AGBL1: variants seen among roughly 807,000 people sequenced by gnomAD.
The protein encoded by AGBL1 is cytosolic carboxypeptidase 4.
AGBL1 carries 130 observed loss-of-function variants against 118.9 expected under a neutral mutation model. That is an observed-to-expected ratio of 1.09 (90% CI 0.95 to 1.26). The LOEUF (loss-of-function observed/expected upper bound fraction) is 1.26, where lower values mean the gene tolerates loss of function less well. AGBL1 is among the 50% of genes most tolerant of loss of function. AGBL1 has a pLI of 0.00. For missense variants in AGBL1, 1,584 were observed against 1,298.1 expected (o/e 1.22, Z -3.38); for synonymous variants, 555 against 478.9 (o/e 1.16, Z -2.08).
intron 21 of AGBL1, among the ~76,000 whole-genome samples, chr15:86,579,600 G>A (rs1397831804): frequency 6.6e-6 from 1 of 152,140 alleles, no homozygotes; most frequent in Non-Finnish European, 1.5e-5. Flanking sequence ...CAGAAAAAAA[G>A]AGCCTTATGA....
At chr15:86,538,574 G>T (rs2083455265) in intron 19 of AGBL1, among the ~76,000 whole-genome samples, 1 of 152,210 alleles carries the variant, frequency 6.6e-6, no homozygotes, top group Non-Finnish European at 1.5e-5. Flanking sequence ...AACCTCCAGG[G>T]CTTTAGTTAG....
intron 17 of AGBL1, among the ~76,000 whole-genome samples, chr15:86,319,221 C>T (rs1423682640): frequency 3.3e-5 from 5 of 152,036 alleles, no homozygotes; most frequent in Non-Finnish European, 5.9e-5. Context: ...TAGGAGCAGG[C>T]AGATGTTTAA....
chr15:86,562,482 A>G (rs2083840312), intron 21 of AGBL1, among the ~76,000 whole-genome samples: 1 of 152,220 alleles, frequency 6.6e-6, no homozygotes, highest in Non-Finnish European at 1.5e-5. Context: ...CATGCATCCC[A>G]GGGATGAAGC....
chr15:86,948,202 C>T (rs2080845473), intron 23 of AGBL1, among the ~76,000 whole-genome samples: 2 of 151,964 alleles, frequency 1.3e-5, no homozygotes, highest in Admixed American at 1.3e-4. Context: ...AGACAGACAC[C>T]CAGGCAATAA....
chr15:86,556,875 A>G (rs993493803), intron 21 of AGBL1, among the ~76,000 whole-genome samples: 6 of 152,288 alleles, frequency 3.9e-5, no homozygotes, highest in South Asian at 2.1e-4. Context: ...TTCTCTGGTT[A>G]ATGCAGCTTT....
At chr15:86,279,068 T>A (rs960644210) in intron 15 of AGBL1, among the ~76,000 whole-genome samples, 1 of 152,240 alleles carries the variant, frequency 6.6e-6, no homozygotes, top group East Asian at 1.9e-4. Flanking sequence ...TTTGGCAAAT[T>A]AACTTTTCTA....
At chr15:86,253,440 G>A (rs562763971) in intron 7 of AGBL1, among the ~76,000 whole-genome samples, 13 of 152,088 alleles carry the variant, frequency 8.5e-5, no homozygotes, top group East Asian at 7.8e-4. Context: ...TAGTAGAGAC[G>A]GGATTTCACC....
Position 86,247,830 on chromosome 15 carries a change from A to T in AGBL1, c.686A>T (p.Glu229Val). The T allele has an allele frequency of 6.2e-7, 1 of 1,613,934 alleles. No homozygotes were observed. Among genetic ancestry groups the T allele is most frequent in the Non-Finnish European group, 8.5e-7 (1 of 1,179,898 alleles). Reference sequence around the variant, plus strand: ...ATTGCTGCCCTCCGGTCCGGCAGGGAGGCCTTCCTGGCAGCACAGGGCATG... The same window carrying T: ...ATTGCTGCCCTCCGGTCCGGCAGGGTGGCCTTCCTGGCAGCACAGGGCATG... ...RHIAALRSGR[E>V]AFLAAQGMEI... is the part of the protein sequence containing the mutation. The change falls in exon 7 of 23, where the codon GAG becomes GTG. Residue 229 changes from glutamate to valine, a missense_variant. By Grantham distance (121) the Glu-to-Val change is moderately radical. Coordinates refer to ENST00000614907, the MANE Select transcript of AGBL1 (RefSeq NM_001386094.1).
intron 22 of AGBL1, among the ~76,000 whole-genome samples, chr15:86,716,201 T>A (rs923753013): frequency 6.6e-6 from 1 of 152,176 alleles, no homozygotes; most frequent in Non-Finnish European, 1.5e-5. Flanking sequence ...CCATTCCCAG[T>A]CTAGGTCTTT....
intron 1 of AGBL1, among the ~76,000 whole-genome samples, chr15:86,089,437 C>T (rs1041042190): frequency 1.3e-5 from 2 of 152,106 alleles, no homozygotes; most frequent in Admixed American, 1.3e-4. Context: ...GAGAAGAGTT[C>T]TTTCTAGAGG....
chr15:86,213,953 C>T (rs1423514216), intron 5 of AGBL1, among the ~76,000 whole-genome samples: 1 of 152,166 alleles, frequency 6.6e-6, no homozygotes, highest in African/African-American at 2.4e-5. Flanking sequence ...AACCACTGAT[C>T]TACTTTCTGT....
chr15:86,516,957 T>G (rs1285734694), intron 18 of AGBL1, among the ~76,000 whole-genome samples: 1 of 152,190 alleles, frequency 6.6e-6, no homozygotes, highest in African/African-American at 2.4e-5. Context: ...ATCTTTTGAA[T>G]TGCCCCATTG....
chr15:86,947,928 G>C (rs2080842464), intron 23 of AGBL1, among the ~76,000 whole-genome samples: 1 of 152,144 alleles, frequency 6.6e-6, no homozygotes, highest in South Asian at 2.1e-4. Context: ...GACATTAGGA[G>C]AAACATTAAT....
At chr15:86,966,943 C>T (rs1228003838) in intron 23 of AGBL1, among the ~76,000 whole-genome samples, 1 of 152,094 alleles carries the variant, frequency 6.6e-6, no homozygotes, top group Non-Finnish European at 1.5e-5. Flanking sequence ...GTCCCACCAA[C>T]AGTGTAAAAG....
At chr15:86,230,662 T>G (rs2078441321) in intron 6 of AGBL1, among the ~76,000 whole-genome samples, 1 of 152,256 alleles carries the variant, frequency 6.6e-6, no homozygotes, top group Non-Finnish European at 1.5e-5. Context: ...GGAAAACACC[T>G]TCAAGGCTGT....
intron 22 of AGBL1, among the ~76,000 whole-genome samples, chr15:86,840,416 C>T (rs2079228634): frequency 6.6e-6 from 1 of 152,128 alleles, no homozygotes; most frequent in South Asian, 2.1e-4. Flanking sequence ...CCAGGATGCT[C>T]TGTCCAAATG....
rs145476453 is a variant in AGBL1, at chr15:86,792,241, T to C, written c.3159-114846T>C. Among the ~76,000 whole-genome samples the C allele has an allele frequency of 1.4e-4, 21 of 152,308 alleles. No individual in the cohort carries two copies. In the East Asian group the frequency reaches 3.9e-3, roughly 28 times the overall value. ...ACTTTTGCTCTGCATCAGAATTCCA[T>C]GGGGTGTTTGTTCAGTGCCTTTCTT... On this transcript the variant is annotated intron_variant, in intron 22 of 22. Transcript: ENST00000614907.
chr15:86,767,624 T>C (rs2078114871), intron 22 of AGBL1, among the ~76,000 whole-genome samples: 1 of 151,972 alleles, frequency 6.6e-6, no homozygotes, highest in African/African-American at 2.4e-5. Context: ...ATTTGACTTA[T>C]TTCTTTCAAC....
At chr15:86,647,373 C>T (rs1053155034) in intron 21 of AGBL1, among the ~76,000 whole-genome samples, 2 of 152,152 alleles carry the variant, frequency 1.3e-5, no homozygotes, top group Non-Finnish European at 2.9e-5. Flanking sequence ...ATGAACAAAA[C>T]AGAAATCCTT....
Sources: allele counts gnomAD v4.1 joint callset (sites outside exome capture counted in the v4.1 genomes callset), GRCh38; gene constraint gnomAD v4.1.1; transcripts MANE v1.5; gene names NCBI Gene and HGNC (gene_info 2026-07-23, HGNC 2026-07-21).